ACOT11: variants seen among roughly 807,000 people sequenced by gnomAD.
ACOT11 encodes the protein acyl-coenzyme A thioesterase 11.
Under a neutral mutation model 77.5 loss-of-function variants are expected in ACOT11, and 69 were observed. The ratio of observed to expected loss-of-function variants is 0.89; its 90% confidence interval spans 0.73 to 1.09. The LOEUF (loss-of-function observed/expected upper bound fraction) is 1.09, where lower values mean the gene tolerates loss of function less well. ACOT11 is among the 50% of genes least tolerant of loss of function. The probability of loss-of-function intolerance (pLI) is 0.00; values close to 1 mark genes in which losing one functional copy is unlikely to be tolerated. For synonymous variants in ACOT11, 279 were observed against 313.0 expected, an observed-to-expected ratio of 0.89 and a Z score of 1.15; for missense variants, 766 against 813.7, an observed-to-expected ratio of 0.94 and a Z score of 0.71.
chr1:54,554,519 A>AT (rs71581818), intron 1 of ACOT11, among the ~76,000 whole-genome samples: 54,645 of 148,812 alleles, frequency 0.37, 10,084 homozygotes, highest in Middle Eastern at 0.53. Flanking sequence ...TGCCCAGCTA[A>AT]TTTTTTTTTT....
rs1644296559 is a variant in ACOT11, at chr1:54,630,957, C to T, written c.1782+71C>T. 1.3e-5 allele frequency: 7 copies of T among 558,482 alleles called. No individual in the cohort carries two copies. The East Asian group carries it at 2.1e-4, about 17-fold the overall frequency. The allele number at this position is 558,482 out of a possible 1,614,324, so 34.6% of individuals were successfully genotyped here. On this transcript the variant is annotated intron_variant, in intron 16 of 16. Coordinates refer to the ACOT11 transcript ENST00000371316. ...GGGTATGGGGTCTGGTTCGTTTCAC[C>T]TTAGAACTTTTTCACACTGATAACG...
intron 1 of ACOT11, among the ~76,000 whole-genome samples, chr1:54,549,848 G>A: frequency 6.6e-6 from 1 of 152,250 alleles, no homozygotes; most frequent in Non-Finnish European, 1.5e-5. Flanking sequence ...TCTCCCAGGA[G>A]GGAGGGGCTC....
Position 54,609,745 on chromosome 1 carries a change from C to T in ACOT11, c.*633C>T. 4 of 1,614,202 alleles carry T rather than the reference C, an allele frequency of 2.5e-6. No individual in the cohort carries two copies. Among genetic ancestry groups the T allele is most frequent in the Non-Finnish European group, 3.4e-6 (4 of 1,180,036 alleles). On this transcript the variant is annotated 3_prime_UTR_variant, in exon 16 of 16. Coordinates refer to ENST00000343744, the MANE Select transcript of ACOT11 (RefSeq NM_147161.4). ...GGCCAAGGCTGGAGAGGCGTGCCAG[C>T]AAGGCCAGGGATGGCCGGAGGGCTG...
At chr1:54,579,232 CT>C (rs111292245) in intron 1 of ACOT11, among the ~76,000 whole-genome samples, 18,094 of 151,636 alleles carry the variant, frequency 0.12, 2,557 homozygotes, top group African/African-American at 0.34. Flanking sequence ...CACTACTACC[CT>C]TTTTTTTTCT....
At chr1:54,608,586 C>T (rs1162631262) in intron 15 of ACOT11, among the ~76,000 whole-genome samples, 5 of 152,100 alleles carry the variant, frequency 3.3e-5, no homozygotes, top group African/African-American at 9.7e-5. Flanking sequence ...AACCCATGAG[C>T]GCCTCAGAAC....
chr1:54,557,296 G>A (rs1448715816), intron 1 of ACOT11, among the ~76,000 whole-genome samples: 3 of 149,678 alleles, frequency 2.0e-5, no homozygotes, highest in East Asian at 2.0e-4. Context: ...GGAGGCTGAG[G>A]CAGGAGAATT....
downstream of ACOT11, among the ~76,000 whole-genome samples, chr1:54,612,226 G>C: frequency 6.6e-6 from 1 of 151,820 alleles, no homozygotes; most frequent in Non-Finnish European, 1.5e-5. Context: ...AGGAAGCTGT[G>C]GGGAGACAAA....
intron 15 of ACOT11, among the ~76,000 whole-genome samples, chr1:54,630,211 A>C (rs958665060): frequency 2.0e-5 from 2 of 99,402 alleles, no homozygotes; most frequent in African/African-American, 5.9e-5. Flanking sequence ...TTTAATGTTT[A>C]AAGAAATAAA....
At position 54,627,431 on chromosome 1, in the gene ACOT11, A is replaced by G. The variant is rs565049067; in HGVS notation, c.1630-3303A>G. ...CTGGAACCGACTCCAAGCTGTGAAG[A>G]CTCCTCCATTGTCTGTGACACTTCT... On this transcript the variant is annotated intron_variant, in intron 15 of 16. Transcript: ENST00000371316. 1.8e-3 allele frequency among the ~76,000 whole-genome samples: 233 copies of G among 132,808 alleles called. 55 individuals carry two copies. The highest frequency in any genetic ancestry group is 3.0e-3 in the Non-Finnish European group (178 of 58,736). 87.1% of individuals were successfully genotyped at this position (132,808 alleles called of 152,430 possible). A position where few individuals can be genotyped will look rare whatever the true frequency, so the allele number is the denominator to read the frequency against.
chr1:54,629,903 T>C, intron 15 of ACOT11, among the ~76,000 whole-genome samples: 1 of 133,204 alleles, frequency 7.5e-6, no homozygotes, highest in Admixed American at 7.7e-5. Flanking sequence ...TTTTTTTATT[T>C]TTATTTTTAT....
At chr1:54,554,203 A>C (rs1274745508) in intron 1 of ACOT11, among the ~76,000 whole-genome samples, 1 of 151,008 alleles carries the variant, frequency 6.6e-6, no homozygotes, top group Non-Finnish European at 1.5e-5. Flanking sequence ...CAAAAAAAAA[A>C]ACTCCACCAT....
At chr1:54,612,550 C>T (rs1336904962), downstream of ACOT11, 1 of 1,614,060 alleles carries the variant, frequency 6.2e-7, no homozygotes, top group Non-Finnish European at 8.5e-7. Context: ...GAAGACCGTA[C>T]AGGGAAGGTG....
intron 5 of ACOT11, 150 bp from the exon 6 acceptor site, chr1:54,594,406 G>A (rs1232746768): frequency 9.3e-7 from 1 of 1,079,724 alleles, no homozygotes. Flanking sequence ...GCAGGAAGAT[G>A]GGGCAAAGAG....
At chr1:54,571,457 G>C (rs141915175) in intron 1 of ACOT11, among the ~76,000 whole-genome samples, 1 of 152,190 alleles carries the variant, frequency 6.6e-6, no homozygotes, top group Middle Eastern at 3.2e-3. Flanking sequence ...ATGGTGCCGC[G>C]TAGAGAGTTG....
At position 54,582,441 on chromosome 1, in the gene ACOT11, G is replaced by T. The variant is rs530259807; in HGVS notation, c.34-2214G>T. On this transcript the variant is annotated intron_variant, in intron 1 of 15. Transcript: ENST00000343744. ...ATTCTCTATCTTTGCCCAGGGCCCC[G>T]TACAGAGGAAGTGTTTGGTGAATGA... 3 of 985,354 alleles carry T rather than the reference G, an allele frequency of 3.0e-6. No individual in the cohort carries two copies. The African/African-American group carries it at 5.2e-5, about 17-fold the overall frequency. The allele number at this position is 985,354 out of a possible 1,614,324, so 61.0% of individuals were successfully genotyped here. A position where few individuals can be genotyped will look rare whatever the true frequency, so the allele number is the denominator to read the frequency against.
At chr1:54,560,614 G>C (rs1490768462) in intron 1 of ACOT11, among the ~76,000 whole-genome samples, 1 of 152,026 alleles carries the variant, frequency 6.6e-6, no homozygotes, top group East Asian at 1.9e-4. Context: ...CTGAAGCCTT[G>C]AATTCCTAGG....
intron 2 of ACOT11, 71 bp from the exon 3 acceptor site, chr1:54,585,764 A>C: frequency 6.5e-7 from 1 of 1,529,440 alleles, no homozygotes; most frequent in Non-Finnish European, 9.0e-7. Context: ...CCTCCTGAGG[A>C]GGTGCCATCT....
rs2101003610 is a variant in ACOT11, at chr1:54,604,372, C to T, written c.1179C>T (p.Ser393=). 1.9e-6 allele frequency: 3 copies of T among 1,614,062 alleles called. No individual in the cohort carries two copies. Among genetic ancestry groups the T allele is most frequent in the East Asian group, 4.5e-5 (2 of 44,862 alleles). The change falls in exon 12 of 16, where the codon TCC becomes TCT. Residue 393 remains serine, a synonymous_variant. Transcript: ENST00000343744. ...NQVYLSYNNV[S]SLKMLVAKDN... ...TGTACCTGAGCTACAATAACGTCTCCTCCTTGAAGATGCTTGTGGCCAAGG... is the reference window on the plus strand; with the variant it reads ...TGTACCTGAGCTACAATAACGTCTCTTCCTTGAAGATGCTTGTGGCCAAGG...
exon 17 of ACOT11, chr1:54,635,865 T>C (rs959022907): frequency 6.5e-6 from 1 of 152,694 alleles, no homozygotes; most frequent in African/African-American, 2.4e-5. Flanking sequence ...CACTAAAACA[T>C]GTCCATAATG....
Sources: gnomAD v4.1 joint callset for allele counts (sites outside exome capture counted in the v4.1 genomes callset) on GRCh38, gnomAD v4.1.1 for gene constraint, MANE v1.5 for transcripts, NCBI Gene and HGNC (gene_info 2026-07-23, HGNC 2026-07-21) for gene names.